Variants in MAX observed in about 807,000 individuals in gnomAD.
MAX encodes the protein MYC associated transcriptional regulator X, also known as protein max.
A neutral mutation model predicts 22.3 loss-of-function variants in MAX; 3 were observed. The observed-to-expected ratio is 0.13, with a 90% CI of 0.06 to 0.35. The LOEUF is 0.35. Ranked by LOEUF, MAX falls within the 10% of genes least tolerant of loss-of-function variation. The probability of loss-of-function intolerance (pLI) is 1.00; values close to 1 mark genes in which losing one functional copy is unlikely to be tolerated. For synonymous variants in MAX, 72 were observed against 77.7 expected, an observed-to-expected ratio of 0.93 and a Z score of 0.39; for missense variants, 119 against 209.4, an observed-to-expected ratio of 0.57 and a Z score of 2.66.
At chr14:65,036,188 A>G (rs1393140652) in intron 3 of MAX, among the ~76,000 whole-genome samples, 1 of 152,112 alleles carries the variant, frequency 6.6e-6, no homozygotes, top group Admixed American at 6.6e-5. Context: ...TCTGTGTCAT[A>G]GTTTCCTTAT....
At chr14:65,096,831 T>TTAGG (rs2063688159) in intron 2 of MAX, among the ~76,000 whole-genome samples, 1 of 152,190 alleles carries the variant, frequency 6.6e-6, no homozygotes, top group Non-Finnish European at 1.5e-5. Context: ...GTGGAATTAA[T>TTAGG]TAGGCCCTAT....
In MAX at chr14:65,011,483, G is replaced by T. The variant is rs922382952; in HGVS notation, c.172-5199C>A. On this transcript the variant is annotated intron_variant, in intron 3 of 3. Coordinates refer to the MAX transcript ENST00000341653. The surrounding 1 kb of genome is among the most constrained non-coding windows in gnomAD (Gnocchi z 4.0). ...CATGAAGGCTCTTACTCTGAGCCAA[G>T]TACAGTGGGAATTTGATAAACAATT... Among the ~76,000 whole-genome samples, 1 of 149,264 alleles carries T rather than the reference G, an allele frequency of 6.7e-6. No individual in the cohort carries two copies. Among genetic ancestry groups the T allele is most frequent in the Non-Finnish European group, 1.5e-5 (1 of 67,634 alleles).
At chr14:65,100,908 G>C (rs1370243571) in intron 2 of MAX, among the ~76,000 whole-genome samples, 1 of 152,152 alleles carries the variant, frequency 6.6e-6, no homozygotes, top group African/African-American at 2.4e-5. Flanking sequence ...TCACCTTTCA[G>C]CAAAGCTGTC....
At chr14:65,102,549 C>T (rs1013174926), upstream of MAX, 62 of 1,445,402 alleles carry the variant, frequency 4.3e-5, no homozygotes, top group Non-Finnish European at 5.2e-5. Context: ...CACGCACGCC[C>T]GGTCGGCCCC....
In MAX at chr14:65,079,839, A is replaced by G. The variant is rs2139769268; in HGVS notation, c.172-1803T>C. ...TTATTCATAAGTCCTCACAAGTACT[A>G]GAATTTCCAGGCTTTCCTCTTTAGC... On this transcript the variant is annotated intron_variant, in intron 3 of 4. Transcript: ENST00000358664. The surrounding 1 kb of genome is among the most constrained non-coding windows in gnomAD (Gnocchi z 4.5). Among the ~76,000 whole-genome samples, 1 of 152,386 alleles carries G rather than the reference A, an allele frequency of 6.6e-6. No homozygotes were observed. Among genetic ancestry groups the G allele is most frequent in the South Asian group, 2.1e-4 (1 of 4,830 alleles).
chr14:65,075,012 G>A, downstream of MAX: 2 of 977,890 alleles, frequency 2.0e-6, no homozygotes, highest in Non-Finnish European at 2.5e-6. This position sits in a 1 kb window ranked among gnomAD's most constrained non-coding sequence, Gnocchi z 4.1. Flanking sequence ...CTGCAAGACC[G>A]GGTAAGCCAC....
chr14:65,090,939 A>G (rs1222366003), intron 3 of MAX, among the ~76,000 whole-genome samples: 1 of 152,192 alleles, frequency 6.6e-6, no homozygotes, highest in Non-Finnish European at 1.5e-5. Flanking sequence ...CAATTCAATT[A>G]ACATATTGCT....
At chr14:65,061,037 C>T (rs1194762351) in intron 3 of MAX, 1 of 1,337,936 alleles carries the variant, frequency 7.5e-7, no homozygotes, top group Non-Finnish European at 1.0e-6. Context: ...TTAGCAAATA[C>T]ACCATTTTTG....
chr14:65,021,600 A>T (rs2061887357), intron 3 of MAX, among the ~76,000 whole-genome samples: 1 of 152,134 alleles, frequency 6.6e-6, no homozygotes, highest in African/African-American at 2.4e-5. Context: ...GCACCAAAGA[A>T]TTACTGAGCC....
At chr14:65,018,518 A>G (rs2061822400) in intron 3 of MAX, among the ~76,000 whole-genome samples, 1 of 152,198 alleles carries the variant, frequency 6.6e-6, no homozygotes, top group South Asian at 2.1e-4. Flanking sequence ...GTGATTTTAT[A>G]AACTTTCTGG....
chr14:65,076,896 T>C lies in MAX; in HGVS notation c.296-233A>G. ...CAGACACTCTGCAATCCCACCCAAC[T>C]CTGAAGAGAAGGCTTGTGATGTCAC... On this transcript the variant is annotated intron_variant, in intron 4 of 4. Transcript: ENST00000358664. This position sits in a 1 kb window ranked among gnomAD's most constrained non-coding sequence, Gnocchi z 6.6. 1.6e-6 allele frequency: 1 copy of C among 619,434 alleles called. No individual in the cohort carries two copies. Among genetic ancestry groups the C allele is most frequent in the Non-Finnish European group, 2.9e-6 (1 of 343,732 alleles). 38.4% of individuals were successfully genotyped at this position (619,434 alleles called of 1,614,324 possible).
intron 3 of MAX, among the ~76,000 whole-genome samples, chr14:65,052,163 CCTTAT>C (rs1169824765): frequency 6.6e-6 from 1 of 152,034 alleles, no homozygotes; most frequent in African/African-American, 2.4e-5. Flanking sequence ...GATACAGTTA[CCTTAT>C]ATGTCCACTT....
At chr14:65,101,831 C>T (rs2063851760) in intron 1 of MAX, 1 of 572,970 alleles carries the variant, frequency 1.7e-6, no homozygotes, top group Admixed American at 3.1e-5. Context: ...ACTGTCTCCT[C>T]CCTGCAGACC....
intron 3 of MAX, among the ~76,000 whole-genome samples, chr14:65,056,081 G>A (rs1264035499): frequency 6.6e-6 from 1 of 152,014 alleles, no homozygotes; most frequent in Non-Finnish European, 1.5e-5. Context: ...ACATACATAT[G>A]TATCTATAAG....
chr14:65,030,850 C>A lies in MAX; in HGVS notation c.172-24566G>T, dbSNP rs969040755. On this transcript the variant is annotated intron_variant, in intron 3 of 3. Coordinates refer to the MAX transcript ENST00000341653. The surrounding 1 kb of genome is among the most constrained non-coding windows in gnomAD (Gnocchi z 4.5). ...TGAGATGGAGTTTCTTTCTGTTGCCCAGGCAGGAGCGCAGTGGTGGGATCT... is the reference window on the plus strand; with the variant it reads ...TGAGATGGAGTTTCTTTCTGTTGCCAAGGCAGGAGCGCAGTGGTGGGATCT... 1.3e-5 allele frequency among the ~76,000 whole-genome samples: 2 copies of A among 152,060 alleles called. No individual in the cohort carries two copies. The highest frequency in any genetic ancestry group is 4.8e-5 in the African/African-American group (2 of 41,408).
intron 3 of MAX, among the ~76,000 whole-genome samples, chr14:65,067,038 T>A (rs1247941371): frequency 1.3e-5 from 2 of 148,878 alleles, no homozygotes; most frequent in Non-Finnish European, 3.0e-5. Flanking sequence ...AAAAAAAAAT[T>A]AGTCGGATGC....
chr14:65,010,375 C>A (rs937774475), intron 3 of MAX, among the ~76,000 whole-genome samples: 1 of 152,186 alleles, frequency 6.6e-6, no homozygotes, highest in African/African-American at 2.4e-5. Context: ...TGTGTGTAAC[C>A]TGAATCCCTC....
intron 3 of MAX, among the ~76,000 whole-genome samples, chr14:65,067,762 C>G (rs1376622115): frequency 6.6e-6 from 1 of 151,334 alleles, no homozygotes; most frequent in Non-Finnish European, 1.5e-5. Context: ...GGTGGGACCA[C>G]AGGCACACAC....
chr14:65,065,135 G>A (rs2062917890), intron 3 of MAX, among the ~76,000 whole-genome samples: 1 of 108,108 alleles, frequency 9.3e-6, no homozygotes, highest in South Asian at 3.0e-4. Context: ...GACACTGTAT[G>A]ACGGGGAAAA....
Sources: allele counts gnomAD v4.1 joint callset (sites outside exome capture counted in the v4.1 genomes callset), GRCh38; gene constraint gnomAD v4.1.1; non-coding constraint Gnocchi (gnomAD v3.1); transcripts MANE v1.5; gene names NCBI Gene and HGNC (gene_info 2026-07-23, HGNC 2026-07-21).